Variants in LRRC8D observed in about 807,000 individuals in gnomAD.
LRRC8D encodes leucine rich repeat containing 8 VRAC subunit D, also known as volume-regulated anion channel subunit LRRC8D.
Under a neutral mutation model 55.8 loss-of-function variants are expected in LRRC8D, and 20 were observed. The observed-to-expected ratio is 0.36, with a 90% CI of 0.25 to 0.52. The LOEUF (loss-of-function observed/expected upper bound fraction) is 0.52, where lower values mean the gene tolerates loss of function less well. Among genes scored for constraint, LRRC8D ranks in the 20% least tolerant of loss-of-function variants. The pLI, the probability that LRRC8D is intolerant of heterozygous loss-of-function variation, is 0.93. For synonymous variants in LRRC8D, 352 were observed against 377.0 expected (o/e 0.93, Z 0.77); for missense variants, 651 against 1,030.8 (o/e 0.63, Z 5.05).
chr1:89,841,217 C>T lies in LRRC8D; in HGVS notation c.-147-2421C>T, dbSNP rs114061339. Among the ~76,000 whole-genome samples the T allele has an allele frequency of 2.9e-3, 441 of 152,274 alleles. 4 individuals are homozygous for T. The highest frequency in any genetic ancestry group is 0.01 in the African/African-American group (417 of 41,546). ...TTAGTAAGAAGCCCTCCTTAGACTG[C>T]GAGTGCCTAGTGGACAGGAATGCAT... On this transcript the variant is annotated intron_variant, in intron 1 of 2. Coordinates refer to ENST00000337338, the MANE Select transcript of LRRC8D (RefSeq NM_001134479.2).
intron 2 of LRRC8D, among the ~76,000 whole-genome samples, chr1:89,871,962 C>G (rs1340371710): frequency 6.6e-6 from 1 of 152,166 alleles, no homozygotes; most frequent in Admixed American, 6.5e-5. Context: ...CAGCTTTTAC[C>G]TTCATTTGGC....
At chr1:89,876,284 G>A (rs370812635) in intron 2 of LRRC8D, among the ~76,000 whole-genome samples, 1 of 152,162 alleles carries the variant, frequency 6.6e-6, no homozygotes, top group East Asian at 1.9e-4. Context: ...GGCAAGTAGT[G>A]TTTTTATACT....
In LRRC8D at chr1:89,933,179, G is replaced by A. The variant is rs1663753417; in HGVS notation, c.111G>A (p.Met37Ile). 1.9e-6 allele frequency: 3 copies of A among 1,614,136 alleles called. No individual in the cohort carries two copies. Among genetic ancestry groups the A allele is most frequent in the Non-Finnish European group, 2.5e-6 (3 of 1,180,018 alleles). ...ATTACCTAGCTGTTGTTATGTTAAT[G>A]GTAGCCATCTTTGCAGGAACCATGC... ...FMDYLAVVML[M>I]VAIFAGTMQL... Residue 37 changes from methionine (M) to isoleucine (I), a missense_variant, in exon 3 of 3, where the codon ATG becomes ATA. Transcript: ENST00000337338. The surrounding 1 kb of genome is among the most constrained non-coding windows in gnomAD (Gnocchi z 7.0).
intron 2 of LRRC8D, among the ~76,000 whole-genome samples, chr1:89,908,870 G>C (rs918808144): frequency 3.3e-5 from 5 of 152,182 alleles, no homozygotes; most frequent in African/African-American, 1.2e-4. Flanking sequence ...TCCAGCTGCT[G>C]CTTCCTGTTT....
chr1:89,896,997 G>T (rs1662729968), intron 2 of LRRC8D, among the ~76,000 whole-genome samples: 1 of 152,178 alleles, frequency 6.6e-6, no homozygotes, highest in South Asian at 2.1e-4. Context: ...AGATGGGGGT[G>T]CTGATTGATA....
chr1:89,920,278 C>T (rs1663376435), intron 2 of LRRC8D, among the ~76,000 whole-genome samples: 2 of 152,164 alleles, frequency 1.3e-5, no homozygotes, highest in South Asian at 4.1e-4. Flanking sequence ...CTAAAAGAGA[C>T]ATTAACATGT....
chr1:89,935,565 C>G lies in LRRC8D; in HGVS notation c.2497C>G (p.His833Asp). Residue 833 changes from histidine to aspartate, a missense_variant, in exon 3 of 3, where the codon CAC becomes GAC. Physicochemically the swap from His to Asp is moderately conservative, Grantham distance 81. This residue lies in a region of LRRC8D where 338 missense variants were observed against 479.4 expected (regional missense o/e 0.71). Transcript: ENST00000337338. ...LKKSGLVVED[H>D]LFDTLPLEVK... ...GAAAAGCGGGCTTGTTGTGGAAGATCACCTTTTTGATACCCTGCCACTCGA... is the reference window on the plus strand; with the variant it reads ...GAAAAGCGGGCTTGTTGTGGAAGATGACCTTTTTGATACCCTGCCACTCGA... 6.2e-7 allele frequency: 1 copy of G among 1,614,138 alleles called. No individual in the cohort carries two copies.
Position 89,843,729 on chromosome 1 carries a change from C to A in LRRC8D, c.-56C>A, listed in dbSNP as rs1570812634. 5 of 701,728 alleles carry A rather than the reference C, an allele frequency of 7.1e-6. No individual in the cohort carries two copies. In the East Asian group the frequency reaches 1.3e-4, roughly 19 times the overall value. 43.5% of individuals were successfully genotyped at this position (701,728 alleles called of 1,614,324 possible). On this transcript the variant is annotated 5_prime_UTR_variant, in exon 2 of 3. Coordinates refer to ENST00000337338, the MANE Select transcript of LRRC8D (RefSeq NM_001134479.2). The stretch of plus-strand genomic sequence containing the variant: ...GTGGTTCCAGCCTCCGGAGCTCGCC[C>A]AAGCCGCGTCCCCAGAGAGCGCCCT...
intron 2 of LRRC8D, among the ~76,000 whole-genome samples, chr1:89,870,498 A>G (rs777113717): frequency 1.3e-5 from 2 of 152,070 alleles, no homozygotes; most frequent in Non-Finnish European, 2.9e-5. Flanking sequence ...AAGAAGATAG[A>G]AACTAAAGGT....
At chr1:89,823,129 GTA>G (rs1465144843) in intron 1 of LRRC8D, among the ~76,000 whole-genome samples, 12 of 152,180 alleles carry the variant, frequency 7.9e-5, no homozygotes, top group Non-Finnish European at 1.5e-4. Flanking sequence ...TATTGAGAGT[GTA>G]TGTGTGCGTG....
chr1:89,927,498 G>T (rs144704526), intron 2 of LRRC8D, among the ~76,000 whole-genome samples: 1 of 152,180 alleles, frequency 6.6e-6, no homozygotes, highest in Non-Finnish European at 1.5e-5. Flanking sequence ...GTGCTGCTAT[G>T]AGCATTCTCA....
intron 1 of LRRC8D, among the ~76,000 whole-genome samples, chr1:89,828,012 T>G (rs1660802916): frequency 6.6e-6 from 1 of 152,236 alleles, no homozygotes; most frequent in African/African-American, 2.4e-5. Context: ...ATATGGAGTT[T>G]AGTTTTGAAA....
chr1:89,845,731 A>G (rs1446212095), intron 2 of LRRC8D, among the ~76,000 whole-genome samples: 1 of 152,122 alleles, frequency 6.6e-6, no homozygotes, highest in East Asian at 1.9e-4. Flanking sequence ...CAGCCAGTCA[A>G]GAGAGATTCT....
intron 2 of LRRC8D, among the ~76,000 whole-genome samples, chr1:89,845,539 C>T (rs1172682001): frequency 3.3e-5 from 5 of 152,168 alleles, no homozygotes; most frequent in Non-Finnish European, 7.4e-5. Context: ...TGGGTTCAAG[C>T]GATTCTCCTG....
In LRRC8D at chr1:89,935,884, A is replaced by G. The variant is rs1313413145; in HGVS notation, c.*239A>G. 1.3e-5 allele frequency: 5 copies of G among 390,496 alleles called. No individual in the cohort carries two copies. Among genetic ancestry groups the G allele is most frequent in the Non-Finnish European group, 2.4e-5 (5 of 211,356 alleles). 24.2% of individuals were successfully genotyped at this position (390,496 alleles called of 1,614,324 possible). A position where few individuals can be genotyped will look rare whatever the true frequency, so the allele number is the denominator to read the frequency against. ...TTTTGGGGAAAGGGAAGGAAAAATT[A>G]TAATCACTAATCTTGGTTCTTTTTA... On this transcript the variant is annotated 3_prime_UTR_variant, in exon 3 of 3. Transcript: ENST00000337338.
At chr1:89,914,745 A>C (rs1663218679) in intron 2 of LRRC8D, among the ~76,000 whole-genome samples, 1 of 150,942 alleles carries the variant, frequency 6.6e-6, no homozygotes, top group African/African-American at 2.4e-5. Context: ...CTTTTTAAAA[A>C]TTTTTTACAT....
intron 2 of LRRC8D, among the ~76,000 whole-genome samples, chr1:89,845,054 A>G (rs1661239417): frequency 6.6e-6 from 1 of 152,254 alleles, no homozygotes; most frequent in Admixed American, 6.5e-5. Context: ...ACAGTATCAC[A>G]TACACTGCGC....
intron 1 of LRRC8D, 88 bp downstream of exon 1, chr1:89,821,379 C>G (rs1000025483): frequency 1.3e-5 from 2 of 152,178 alleles, no homozygotes; most frequent in African/African-American, 4.8e-5. Context: ...AGCGCGCAAC[C>G]CTGGCGCAGG....
chr1:89,888,511 G>A (rs181093067), intron 2 of LRRC8D, among the ~76,000 whole-genome samples: 3 of 152,254 alleles, frequency 2.0e-5, no homozygotes, highest in East Asian at 1.9e-4. Flanking sequence ...AAGTTAGTAC[G>A]CACACAATTT....
Sources: gnomAD v4.1 joint callset for allele counts (sites outside exome capture counted in the v4.1 genomes callset) on GRCh38, gnomAD v4.1.1 for gene constraint, gnomAD v4.1.1 regional missense constraint, Gnocchi (gnomAD v3.1) non-coding constraint, MANE v1.5 for transcripts, NCBI Gene and HGNC (gene_info 2026-07-23, HGNC 2026-07-21) for gene names.